Variants in AP4E1 observed in about 807,000 individuals in gnomAD.
The protein encoded by AP4E1 is AP-4 complex subunit epsilon-1.
A neutral mutation model predicts 128.2 loss-of-function variants in AP4E1; 56 were observed. That is an observed-to-expected ratio of 0.44 (90% CI 0.35 to 0.55). The LOEUF is 0.55. Among genes scored for constraint, AP4E1 ranks in the 20% least tolerant of loss-of-function variants. The probability of loss-of-function intolerance (pLI) is 0.00; values close to 1 mark genes in which losing one functional copy is unlikely to be tolerated. For synonymous variants in AP4E1, 484 were observed against 473.1 expected (o/e 1.02, Z -0.30); for missense variants, 1,324 against 1,307.7 (o/e 1.01, Z -0.19).
At chr15:50,939,305 T>A (rs1033530833) in intron 8 of AP4E1, among the ~76,000 whole-genome samples, 2 of 152,058 alleles carry the variant, frequency 1.3e-5, no homozygotes, top group African/African-American at 4.8e-5. Flanking sequence ...AAACCCTGTC[T>A]CTACTAAAAA....
intron 15 of AP4E1, among the ~76,000 whole-genome samples, chr15:50,972,092 G>T (rs147318199): frequency 6.6e-6 from 1 of 152,084 alleles, no homozygotes; most frequent in African/African-American, 2.4e-5. Flanking sequence ...TTTATGTAGT[G>T]CAGTTTAAAG....
intron 3 of AP4E1, among the ~76,000 whole-genome samples, chr15:50,918,771 C>T (rs2063658970): frequency 6.6e-6 from 1 of 152,164 alleles, no homozygotes; most frequent in Non-Finnish European, 1.5e-5. Flanking sequence ...TGAAAGATAG[C>T]ATACTATATA....
chr15:50,947,984 T>A, intron 10 of AP4E1, 36 bp from the exon 11 acceptor site: 1 of 1,486,818 alleles, frequency 6.7e-7, no homozygotes, highest in Non-Finnish European at 9.3e-7. Flanking sequence ...ATGCATAGTT[T>A]TATAATATTG....
At chr15:50,928,966 A>G in intron 5 of AP4E1, 43 bp from the exon 6 acceptor site, 1 of 1,598,338 alleles carries the variant, frequency 6.3e-7, no homozygotes, top group South Asian at 1.1e-5. Context: ...TAAATACTTG[A>G]GAATTCAGAT....
chr15:50,922,661 ATG>A (rs536675151), intron 3 of AP4E1, among the ~76,000 whole-genome samples: 263 of 152,320 alleles, frequency 1.7e-3, no homozygotes, highest in South Asian at 6.6e-3. Flanking sequence ...AAGATAGACT[ATG>A]TGGAGAGGCA....
At chr15:50,947,810 T>C (rs1327400176) in intron 10 of AP4E1, among the ~76,000 whole-genome samples, 3 of 152,220 alleles carry the variant, frequency 2.0e-5, no homozygotes, top group Non-Finnish European at 4.4e-5. Context: ...CTTATAGACA[T>C]TGGAATTGAT....
At position 51,004,370 on chromosome 15, in the gene AP4E1, GTGCT is replaced by G. The variant is rs1299777885; in HGVS notation, c.*1709_*1712del. On this transcript the variant is annotated 3_prime_UTR_variant, in exon 21 of 21. Transcript: ENST00000261842. The stretch of plus-strand genomic sequence containing the variant: ...AGGAATGCAGCATGTCACAAAGGAG[GTGCT>G]CCAATTTTTTGTGTCCTTACTTCCC... The G allele has an allele frequency of 2.0e-5, 3 of 152,212 alleles. No homozygotes were observed. The highest frequency in any genetic ancestry group is 7.2e-5 in the African/African-American group (3 of 41,450). The allele number at this position is 152,212 out of a possible 1,614,324, so 9.4% of individuals were successfully genotyped here.
intron 11 of AP4E1, among the ~76,000 whole-genome samples, chr15:50,949,056 G>A (rs1197166525): frequency 6.6e-6 from 1 of 151,966 alleles, no homozygotes; most frequent in Non-Finnish European, 1.5e-5. Context: ...AATTGCTTAA[G>A]TGTAGTTTTG....
Position 51,005,404 on chromosome 15 carries a change from C to T in AP4E1, c.*2742C>T, listed in dbSNP as rs2065006958. On this transcript the variant is annotated 3_prime_UTR_variant, in exon 21 of 21. Transcript: ENST00000261842. ...AAGAGTAGACGGAGGAAGAAGGGTA[C>T]CAGAATAGTCCCTGTGGAGGCAGGC... The T allele has an allele frequency of 6.6e-6, 1 of 152,554 alleles. No homozygotes were observed. Among genetic ancestry groups the T allele is most frequent in the Non-Finnish European group, 1.5e-5 (1 of 68,054 alleles). The allele number at this position is 152,554 out of a possible 1,614,324, so 9.5% of individuals were successfully genotyped here. A position where few individuals can be genotyped will look rare whatever the true frequency, so the allele number is the denominator to read the frequency against.
At chr15:50,977,275 A>G (rs969410645) in intron 15 of AP4E1, among the ~76,000 whole-genome samples, 1 of 152,080 alleles carries the variant, frequency 6.6e-6, no homozygotes, top group Non-Finnish European at 1.5e-5. Context: ...GGAAGGGGAG[A>G]TATAATAGGG....
In AP4E1 at chr15:50,958,563, A is replaced by G. The variant is rs1338070306; in HGVS notation, c.1620A>G (p.Leu540=). Residue 540 remains leucine (L), a synonymous_variant, in exon 14 of 21, where the codon TTA becomes TTG. Transcript: ENST00000261842. ...PEEVIAKLYK[L]LMNDSVSSET... is the part of the protein sequence containing the mutation. ...AAGTTATAGCTAAGCTCTACAAGTT[A>G]CTTATGAATGACTCTGTGTCTTCAG... The G allele has an allele frequency of 6.2e-7, 1 of 1,614,108 alleles. No homozygotes were observed. The highest frequency in any genetic ancestry group is 8.5e-7 in the Non-Finnish European group (1 of 1,180,008).
chr15:50,938,476 C>T (rs949358836), intron 8 of AP4E1, among the ~76,000 whole-genome samples: 1 of 152,240 alleles, frequency 6.6e-6, no homozygotes, highest in South Asian at 2.1e-4. Flanking sequence ...CCTAACCCCC[C>T]ACTAGAGTGG....
intron 14 of AP4E1, among the ~76,000 whole-genome samples, chr15:50,964,982 C>CACAG (rs1183712983): frequency 6.6e-6 from 1 of 151,522 alleles, no homozygotes; most frequent in Non-Finnish European, 1.5e-5. Flanking sequence ...CACACACACA[C>CACAG]ACACACACAC....
chr15:50,995,401 T>TC (rs1160463863), intron 17 of AP4E1, among the ~76,000 whole-genome samples: 5 of 143,404 alleles, frequency 3.5e-5, no homozygotes, highest in Admixed American at 1.4e-4. Context: ...TTCACCTTCT[T>TC]TTTTTTTTTT....
chr15:50,934,472 T>G (rs911724256), intron 7 of AP4E1, 152 bp from the exon 8 acceptor site: 2 of 600,264 alleles, frequency 3.3e-6, no homozygotes, highest in Non-Finnish European at 6.0e-6. Context: ...ACAGCAAACC[T>G]TTTAAGAAGT....
intron 15 of AP4E1, among the ~76,000 whole-genome samples, chr15:50,981,488 A>T (rs2064641883): frequency 6.6e-6 from 1 of 152,174 alleles, no homozygotes; most frequent in Non-Finnish European, 1.5e-5. Context: ...GCTGGAGAGA[A>T]ATTTGCTTTT....
chr15:50,978,437 T>C (rs115346559), intron 15 of AP4E1, among the ~76,000 whole-genome samples: 183 of 152,260 alleles, frequency 1.2e-3, no homozygotes, highest in African/African-American at 4.3e-3. Flanking sequence ...TAGCTGAGAA[T>C]GGTTAGAGAA....
chr15:50,914,303 T>C lies in AP4E1; in HGVS notation c.223-1145T>C, dbSNP rs143006692. Among the ~76,000 whole-genome samples, 346 of 152,316 alleles carry C rather than the reference T, an allele frequency of 2.3e-3. 1 individual carries two copies. Among genetic ancestry groups the C allele is most frequent in the African/African-American group, 8.1e-3 (335 of 41,570 alleles). ...TCAATTTTACTGTTTCCTGAGCATT[T>C]TGTTATTTAATAATCCTGTAATATG... is the stretch of plus-strand genomic sequence containing the variant. On this transcript the variant is annotated intron_variant, in intron 2 of 20. Coordinates refer to ENST00000261842, the MANE Select transcript of AP4E1 (RefSeq NM_007347.5).
chr15:50,974,232 C>T (rs966927372), intron 15 of AP4E1, among the ~76,000 whole-genome samples: 1 of 150,496 alleles, frequency 6.6e-6, no homozygotes, highest in Non-Finnish European at 1.5e-5. Context: ...TCCCAAAGTG[C>T]TGGGATTACA....
Sources: gnomAD v4.1 joint callset for allele counts (sites outside exome capture counted in the v4.1 genomes callset) on GRCh38, gnomAD v4.1.1 for gene constraint, MANE v1.5 for transcripts, NCBI Gene and HGNC (gene_info 2026-07-23, HGNC 2026-07-21) for gene names.